BEND6: variants seen among roughly 807,000 people sequenced by gnomAD.
The protein encoded by BEND6 is BEN domain containing 6, also known as BEN domain-containing protein 6.
A neutral mutation model predicts 31.8 loss-of-function variants in BEND6; 24 were observed. The observed-to-expected ratio is 0.75, with a 90% CI of 0.55 to 1.06. BEND6 has a LOEUF of 1.06. BEND6 is among the 50% of genes least tolerant of loss of function. The pLI, the probability that BEND6 is intolerant of heterozygous loss-of-function variation, is 0.00. For synonymous variants in BEND6, 109 were observed against 114.6 expected (o/e 0.95, Z 0.31); for missense variants, 294 against 327.4 (o/e 0.90, Z 0.79).
At chr6:56,985,726 G>A (rs1000573622) in intron 2 of BEND6, among the ~76,000 whole-genome samples, 6 of 152,158 alleles carry the variant, frequency 3.9e-5, no homozygotes, top group African/African-American at 1.4e-4. Flanking sequence ...TAGACACCTG[G>A]AGATAGCTAG....
intron 6 of BEND6, among the ~76,000 whole-genome samples, chr6:57,019,119 A>T (rs965416121): frequency 1.3e-5 from 2 of 152,246 alleles, no homozygotes; most frequent in South Asian, 2.1e-4. Context: ...TTAAATTTTT[A>T]AATTAGTTGT....
At chr6:56,990,890 T>G (rs1221189268) in intron 2 of BEND6, among the ~76,000 whole-genome samples, 1 of 152,190 alleles carries the variant, frequency 6.6e-6, no homozygotes, top group Non-Finnish European at 1.5e-5. Context: ...TGCATGACCT[T>G]TAACAAATGA....
intron 1 of BEND6, among the ~76,000 whole-genome samples, chr6:56,957,795 G>T (rs556504001): frequency 6.6e-6 from 1 of 152,332 alleles, no homozygotes; most frequent in African/African-American, 2.4e-5. Flanking sequence ...AGTTGGGAAA[G>T]ATAGCTAAGA....
chr6:57,001,365 T>C (rs1478332138), intron 3 of BEND6, among the ~76,000 whole-genome samples: 1 of 152,106 alleles, frequency 6.6e-6, no homozygotes, highest in East Asian at 1.9e-4. Flanking sequence ...GGTTTTGCCA[T>C]GTTGTCCAGG....
chr6:56,956,394 C>A (rs1421070894), intron 1 of BEND6, among the ~76,000 whole-genome samples: 1 of 152,188 alleles, frequency 6.6e-6, no homozygotes, highest in Non-Finnish European at 1.5e-5. Flanking sequence ...TACAGCTCTG[C>A]ATGAAAGCTT....
intron 1 of BEND6, among the ~76,000 whole-genome samples, chr6:56,957,780 A>G (rs1460699621): frequency 1.3e-5 from 2 of 152,204 alleles, no homozygotes; most frequent in African/African-American, 4.8e-5. Context: ...AAAAGAAGAC[A>G]AAATAGTTGG....
intron 1 of BEND6, among the ~76,000 whole-genome samples, chr6:56,967,561 A>T (rs1825528881): frequency 6.6e-6 from 1 of 152,208 alleles, no homozygotes; most frequent in Non-Finnish European, 1.5e-5. Context: ...CTCCAGACTC[A>T]GAGAGTGAAA....
At chr6:56,998,625 C>G (rs1826813916) in intron 3 of BEND6, among the ~76,000 whole-genome samples, 1 of 151,158 alleles carries the variant, frequency 6.6e-6, no homozygotes, top group Non-Finnish European at 1.5e-5. Flanking sequence ...CCAAAAAAAT[C>G]AACTGAAAAT....
At chr6:56,992,902 A>G (rs1230763220) in intron 3 of BEND6, among the ~76,000 whole-genome samples, 3 of 152,186 alleles carry the variant, frequency 2.0e-5, no homozygotes, top group Non-Finnish European at 4.4e-5. Flanking sequence ...ATGATAAGTT[A>G]CTCATGATGT....
intron 1 of BEND6, among the ~76,000 whole-genome samples, chr6:56,967,463 C>T (rs1205841615): frequency 6.6e-6 from 1 of 152,142 alleles, no homozygotes; most frequent in Non-Finnish European, 1.5e-5. Context: ...GCTGTCCTCC[C>T]TCCCTCTGAT....
intron 3 of BEND6, chr6:57,009,762 T>C (rs1827282083): frequency 6.6e-6 from 1 of 152,140 alleles, no homozygotes; most frequent in Non-Finnish European, 1.5e-5. Context: ...CCACAATAGA[T>C]AGACACATAT....
chr6:56,981,123 A>ATAAAT (rs1216484834), intron 1 of BEND6, among the ~76,000 whole-genome samples: 1 of 152,164 alleles, frequency 6.6e-6, no homozygotes, highest in Non-Finnish European at 1.5e-5. Context: ...CTGCTTTATC[A>ATAAAT]GATTTTGATA....
intron 3 of BEND6, chr6:57,014,494 A>G (rs1225066085): frequency 1.3e-6 from 2 of 1,525,498 alleles, no homozygotes; most frequent in Admixed American, 4.4e-5. Context: ...AGAGAAGACC[A>G]TTTTACATGG....
intron 6 of BEND6, among the ~76,000 whole-genome samples, chr6:57,023,556 T>G (rs1229606532): frequency 2.0e-5 from 3 of 152,210 alleles, no homozygotes; most frequent in Admixed American, 1.3e-4. Flanking sequence ...TTGGGTCTTG[T>G]TTCTTTGCAT....
intron 1 of BEND6, among the ~76,000 whole-genome samples, chr6:56,958,547 A>G (rs1219456669): frequency 1.3e-5 from 2 of 152,222 alleles, no homozygotes; most frequent in Non-Finnish European, 2.9e-5. Context: ...GAAGGACATC[A>G]TTGTGAAAAT....
intron 5 of BEND6, 133 bp from the exon 6 acceptor site, chr6:57,018,288 T>C: frequency 2.3e-6 from 2 of 877,508 alleles, no homozygotes; most frequent in Non-Finnish European, 3.2e-6. Context: ...AAATAGCTCA[T>C]GGGTGTTTGG....
At chr6:57,001,215 G>A (rs1826931298) in intron 3 of BEND6, among the ~76,000 whole-genome samples, 1 of 149,068 alleles carries the variant, frequency 6.7e-6, no homozygotes, top group Non-Finnish European at 1.5e-5. Flanking sequence ...CCAGGTTGGA[G>A]TGTAGTGATG....
intron 2 of BEND6, among the ~76,000 whole-genome samples, chr6:56,989,076 A>C (rs1232844785): frequency 1.3e-5 from 2 of 151,260 alleles, no homozygotes; most frequent in South Asian, 4.2e-4. Context: ...AGTTTTATAA[A>C]AATATATACA....
intron 3 of BEND6, among the ~76,000 whole-genome samples, chr6:57,012,210 A>C (rs139546916): frequency 6.6e-6 from 1 of 152,252 alleles, no homozygotes. Context: ...GAATGGATAC[A>C]TTAATTATAA....
Sources: allele counts gnomAD v4.1 joint callset (sites outside exome capture counted in the v4.1 genomes callset), GRCh38; gene constraint gnomAD v4.1.1; transcripts MANE v1.5; gene names NCBI Gene and HGNC (gene_info 2026-07-23, HGNC 2026-07-21).